The following TKFC variants were observed in gnomAD, a reference collection of about 807,000 sequenced individuals.
The protein encoded by TKFC is triokinase/FMN cyclase.
Under a neutral mutation model 61.0 loss-of-function variants are expected in TKFC, and 46 were observed. The observed-to-expected ratio is 0.75, with a 90% CI of 0.60 to 0.96. TKFC has a LOEUF of 0.96. Ranked by LOEUF, TKFC falls within the 50% of genes least tolerant of loss-of-function variation. The pLI, the probability that TKFC is intolerant of heterozygous loss-of-function variation, is 0.00. For missense variants in TKFC, 715 were observed against 777.5 expected (o/e 0.92, Z 0.96); for synonymous variants, 314 against 330.1 (o/e 0.95, Z 0.53).
In TKFC at chr11:61,338,991, C is replaced by T. The variant is rs377543307; in HGVS notation, c.194-75C>T. On this transcript the variant is annotated intron_variant, in intron 3 of 17. Transcript: ENST00000394900. ...GTAGGGCTCACCAAACCATGACCCCCGGAGTGTGGGAAGCCCCAGTGACTA... is the reference window on the plus strand; with the variant it reads ...GTAGGGCTCACCAAACCATGACCCCTGGAGTGTGGGAAGCCCCAGTGACTA... 1.6e-5 allele frequency: 21 copies of T among 1,312,326 alleles called. No homozygotes were observed. In the East Asian group the frequency reaches 2.1e-4, roughly 13 times the overall value. 81.3% of individuals were successfully genotyped at this position (1,312,326 alleles called of 1,614,324 possible).
At chr11:61,336,439 A>T (rs1157250038) in intron 2 of TKFC, 2 of 152,496 alleles carry the variant, frequency 1.3e-5, no homozygotes, top group East Asian at 3.9e-4. Flanking sequence ...CCCCAGTCTC[A>T]CTCTGTCTTC....
chr11:61,343,730 G>A (rs915982942), intron 11 of TKFC, 126 bp from the exon 12 acceptor site: 35 of 1,374,282 alleles, frequency 2.5e-5, no homozygotes, highest in Middle Eastern at 1.8e-4. Flanking sequence ...TGCTTGTCGA[G>A]GTGGACTCCC....
rs78234984 is a variant in TKFC, at chr11:61,334,236, G to T, written c.-109-384G>T. 4.6e-3 allele frequency: 727 copies of T among 159,000 alleles called. 2 individuals carry two copies. Among genetic ancestry groups the T allele is most frequent in the Non-Finnish European group, 7.1e-3 (510 of 71,888 alleles). The allele number at this position is 159,000 out of a possible 1,614,324, so 9.8% of individuals were successfully genotyped here. A position where few individuals can be genotyped will look rare whatever the true frequency, so the allele number is the denominator to read the frequency against. On this transcript the variant is annotated intron_variant, in intron 1 of 17. Transcript: ENST00000394900. ...GTAAAATGGGTCACAAACCTGGCTAGCTCCCCCCATTCCCTTCCCTTTTGG... is the reference window on the plus strand; with the variant it reads ...GTAAAATGGGTCACAAACCTGGCTATCTCCCCCCATTCCCTTCCCTTTTGG...
intron 5 of TKFC, among the ~76,000 whole-genome samples, chr11:61,339,821 A>G (rs1158409960): frequency 2.0e-5 from 3 of 151,882 alleles, no homozygotes; most frequent in Non-Finnish European, 4.4e-5. Flanking sequence ...GGCCTTGCTC[A>G]TCCATTCTCC....
At chr11:61,350,495 C>G, downstream of TKFC, 1 of 1,573,682 alleles carries the variant, frequency 6.4e-7, no homozygotes, top group Non-Finnish European at 8.6e-7. Flanking sequence ...GCTGTTCAGA[C>G]AGACCCCCAG....
downstream of TKFC, chr11:61,350,725 G>A (rs1857362186): frequency 1.7e-6 from 1 of 596,168 alleles, no homozygotes; most frequent in Non-Finnish European, 2.9e-6. Context: ...AGAAGATAAG[G>A]CCACACTTCA....
chr11:61,350,163 G>C, downstream of TKFC: 1 of 598,262 alleles, frequency 1.7e-6, no homozygotes, highest in Non-Finnish European at 3.0e-6. Context: ...AAGGAAAGCA[G>C]ACAGGCAGCA....
chr11:61,339,608 A>G, intron 5 of TKFC, 173 bp downstream of exon 5: 1 of 722,114 alleles, frequency 1.4e-6, no homozygotes, highest in Non-Finnish European at 2.2e-6. Flanking sequence ...AAGCCCAGAT[A>G]CAGGCATTTT....
intron 2 of TKFC, among the ~76,000 whole-genome samples, chr11:61,337,637 T>C (rs1401727199): frequency 6.6e-6 from 1 of 152,226 alleles, no homozygotes; most frequent in Non-Finnish European, 1.5e-5. Flanking sequence ...CCAGTTTTAT[T>C]AAAATATTTT....
At chr11:61,333,366 C>T in intron 1 of TKFC, 37 bp downstream of exon 1, 1 of 165,568 alleles carries the variant, frequency 6.0e-6, no homozygotes, top group Non-Finnish European at 1.3e-5. Context: ...CGCAGACTCC[C>T]CACCCCGTTC....
intron 11 of TKFC, 28 bp from the exon 12 acceptor site, chr11:61,343,828 T>G (rs762289315): frequency 6.3e-7 from 1 of 1,599,716 alleles, no homozygotes; most frequent in Non-Finnish European, 8.5e-7. Context: ...GACAGCCGTG[T>G]CTAAGAGAGT....
At chr11:61,336,195 T>TC (rs1194534725) in intron 2 of TKFC, 1 of 154,456 alleles carries the variant, frequency 6.5e-6, no homozygotes, top group Non-Finnish European at 1.5e-5. Flanking sequence ...TTCTTCTTGC[T>TC]CCCTACAGAC....
downstream of TKFC, chr11:61,350,355 C>T: frequency 5.0e-6 from 8 of 1,599,160 alleles, no homozygotes; most frequent in Non-Finnish European, 6.8e-6. Context: ...GAGGGGAGCA[C>T]AGGCTGCACC....
rs1857243738 is a variant in TKFC at position 61,348,415 on chromosome 11, T to C, written c.*1912T>C. 1.0e-6 allele frequency: 1 copy of C among 985,426 alleles called. No individual in the cohort carries two copies. The highest frequency in any genetic ancestry group is 1.2e-6 in the Non-Finnish European group (1 of 829,938). The allele number at this position is 985,426 out of a possible 1,614,324, so 61.0% of individuals were successfully genotyped here. ...TCCCTAGGTCTGTGAGGGTCAGACC[T>C]GTCCTGAGGCTTTTACAAATTGGCC... On this transcript the variant is annotated 3_prime_UTR_variant, in exon 18 of 18. Transcript: ENST00000394900.
chr11:61,337,846 C>T (rs956853136), intron 2 of TKFC, 95 bp from the exon 3 acceptor site: 15 of 1,221,888 alleles, frequency 1.2e-5, no homozygotes, highest in African/African-American at 4.6e-5. Flanking sequence ...TAGGTGGATG[C>T]GGGAGAGGGG....
chr11:61,346,293 A>G lies in TKFC; in HGVS notation c.1576-58A>G, dbSNP rs1470277607. Reference sequence around the variant, plus strand: ...ACGGCAGAGACGTTCTGCCCATGGCAGGAAGGAGGCGGCCTGGTGATCTGC... The same window carrying G: ...ACGGCAGAGACGTTCTGCCCATGGCGGGAAGGAGGCGGCCTGGTGATCTGC... On this transcript the variant is annotated intron_variant, in intron 17 of 17. Coordinates refer to ENST00000394900, the MANE Select transcript of TKFC (RefSeq NM_015533.4). This position sits in a 1 kb window ranked among gnomAD's most constrained non-coding sequence, Gnocchi z 4.1. 6.2e-7 allele frequency: 1 copy of G among 1,607,344 alleles called. No homozygotes were observed. The highest frequency in any genetic ancestry group is 8.5e-7 in the Non-Finnish European group (1 of 1,179,770).
At chr11:61,343,673 CA>C in intron 11 of TKFC, 182 bp from the exon 12 acceptor site, 1 of 989,996 alleles carries the variant, frequency 1.0e-6, no homozygotes, top group African/African-American at 1.6e-5. Flanking sequence ...GACCCTTTCC[CA>C]GGGACCCTCT....
At chr11:61,349,758 C>T (rs1039130122), downstream of TKFC, 1 of 659,062 alleles carries the variant, frequency 1.5e-6, no homozygotes, top group East Asian at 2.7e-5. Context: ...CCGCCACTCC[C>T]CCTTTCTGCA....
In TKFC at chr11:61,346,606, G is replaced by A; in HGVS notation, c.*103G>A. On this transcript the variant is annotated 3_prime_UTR_variant, in exon 18 of 18. Coordinates refer to ENST00000394900, the MANE Select transcript of TKFC (RefSeq NM_015533.4). This position sits in a 1 kb window ranked among gnomAD's most constrained non-coding sequence, Gnocchi z 4.1. ...CCAACCCTCACCTTCCCCCGGCCTG[G>A]CCCCATTGGCCCACCCTCTAAGTTG... is the stretch of plus-strand genomic sequence containing the variant. The A allele has an allele frequency of 6.7e-7, 1 of 1,494,562 alleles. No individual in the cohort carries two copies. Among genetic ancestry groups the A allele is most frequent in the Non-Finnish European group, 8.9e-7 (1 of 1,127,996 alleles). The allele number at this position is 1,494,562 out of a possible 1,614,324, so 92.6% of individuals were successfully genotyped here.
Sources: allele counts gnomAD v4.1 joint callset (sites outside exome capture counted in the v4.1 genomes callset), GRCh38; gene constraint gnomAD v4.1.1; non-coding constraint Gnocchi (gnomAD v3.1); transcripts MANE v1.5; gene names NCBI Gene and HGNC (gene_info 2026-07-23, HGNC 2026-07-21).